ALCAM: variants seen among roughly 807,000 people sequenced by gnomAD.
ALCAM encodes the protein activated leukocyte cell adhesion molecule.
A neutral mutation model predicts 70.9 loss-of-function variants in ALCAM; 30 were observed. That is an observed-to-expected ratio of 0.42 (90% CI 0.32 to 0.57). The LOEUF is 0.57. ALCAM is among the 20% of genes least tolerant of loss of function. The pLI is 0.11. For synonymous variants in ALCAM, 249 were observed against 242.5 expected, an observed-to-expected ratio of 1.03 and a Z score of -0.25; for missense variants, 591 against 695.1, an observed-to-expected ratio of 0.85 and a Z score of 1.68.
intron 3 of ALCAM, among the ~76,000 whole-genome samples, chr3:105,529,510 ATAGT>A (rs111685593): frequency 2.0e-5 from 3 of 152,190 alleles, no homozygotes; most frequent in African/African-American, 7.2e-5. Flanking sequence ...TTCAAGATAC[ATAGT>A]TAATATAGAG....
chr3:105,528,471 G>A (rs1375271188), intron 3 of ALCAM, among the ~76,000 whole-genome samples: 1 of 152,056 alleles, frequency 6.6e-6, no homozygotes, highest in Non-Finnish European at 1.5e-5. Context: ...AAAAGTAGAG[G>A]GAAAAGTAAG....
intron 1 of ALCAM, among the ~76,000 whole-genome samples, chr3:105,422,866 A>G (rs1175711741): frequency 6.6e-6 from 1 of 151,546 alleles, no homozygotes; most frequent in Non-Finnish European, 1.5e-5. Context: ...GGGGAATGAC[A>G]TAGTTGAACA....
At chr3:105,547,564 A>G (rs752728031) in intron 11 of ALCAM, 41 bp downstream of exon 11, 9 of 1,590,534 alleles carry the variant, frequency 5.7e-6, no homozygotes, top group Non-Finnish European at 6.8e-6. Context: ...ACTTCGTCCA[A>G]TGCGTTTTTT....
chr3:105,369,181 T>A (rs562998991), intron 1 of ALCAM, among the ~76,000 whole-genome samples: 1 of 152,284 alleles, frequency 6.6e-6, no homozygotes, highest in South Asian at 2.1e-4. Context: ...GAATGTAATC[T>A]CACCCTCGTC....
intron 15 of ALCAM, among the ~76,000 whole-genome samples, chr3:105,572,840 CATT>C (rs1287161154): frequency 6.6e-6 from 1 of 152,150 alleles, no homozygotes; most frequent in African/African-American, 2.4e-5. Context: ...TCAAAATAAT[CATT>C]ATCTTCTGAA....
intron 1 of ALCAM, among the ~76,000 whole-genome samples, chr3:105,411,841 C>T (rs1266318314): frequency 2.6e-5 from 4 of 151,980 alleles, no homozygotes; most frequent in Non-Finnish European, 5.9e-5. Flanking sequence ...CTACAGTCCT[C>T]TGTGTTTAGG....
At chr3:105,401,624 A>T (rs1936091072) in intron 1 of ALCAM, among the ~76,000 whole-genome samples, 1 of 152,218 alleles carries the variant, frequency 6.6e-6, no homozygotes, top group Non-Finnish European at 1.5e-5. Context: ...AACTTGTAGT[A>T]TGTCTAAAAT....
At chr3:105,439,827 T>A (rs776952585) in intron 1 of ALCAM, among the ~76,000 whole-genome samples, 3 of 152,184 alleles carry the variant, frequency 2.0e-5, no homozygotes, top group Non-Finnish European at 4.4e-5. Flanking sequence ...AAAAGTATAG[T>A]CATTTCTTGG....
intron 1 of ALCAM, among the ~76,000 whole-genome samples, chr3:105,401,065 A>G (rs1386641078): frequency 1.3e-5 from 2 of 152,230 alleles, no homozygotes; most frequent in Non-Finnish European, 2.9e-5. Context: ...CTGGACAATC[A>G]GAATTATACC....
chr3:105,433,222 C>A (rs1406343316), intron 1 of ALCAM, among the ~76,000 whole-genome samples: 2 of 151,990 alleles, frequency 1.3e-5, no homozygotes, highest in African/African-American at 4.8e-5. Flanking sequence ...AATCCTGAAG[C>A]CAAATTTAAT....
chr3:105,456,985 G>GT (rs1355535862), intron 1 of ALCAM, among the ~76,000 whole-genome samples: 1 of 152,164 alleles, frequency 6.6e-6, no homozygotes, highest in East Asian at 1.9e-4. Flanking sequence ...TGACTTAGGA[G>GT]TGATCATCAT....
chr3:105,369,086 G>A (rs541300192), intron 1 of ALCAM, among the ~76,000 whole-genome samples: 1 of 152,268 alleles, frequency 6.6e-6, no homozygotes, highest in South Asian at 2.1e-4. Context: ...GCCAAGAAGG[G>A]AGGACAAGGG....
chr3:105,465,278 A>G (rs1937683809), intron 1 of ALCAM, among the ~76,000 whole-genome samples: 1 of 151,416 alleles, frequency 6.6e-6, no homozygotes, highest in African/African-American at 2.4e-5. Context: ...GCAAACATAA[A>G]TTCGTAGTGG....
intron 1 of ALCAM, among the ~76,000 whole-genome samples, chr3:105,394,617 G>C (rs1395218369): frequency 1.3e-5 from 2 of 151,858 alleles, no homozygotes; most frequent in Admixed American, 1.3e-4. Context: ...GGAAAACACA[G>C]GACATGTAAT....
intron 1 of ALCAM, among the ~76,000 whole-genome samples, chr3:105,422,566 G>A (rs1173816607): frequency 6.6e-6 from 1 of 151,398 alleles, no homozygotes; most frequent in Non-Finnish European, 1.5e-5. Flanking sequence ...GGAGAAAATA[G>A]TGCCTTTCCT....
chr3:105,552,331 C>T, intron 13 of ALCAM, 137 bp from the exon 14 acceptor site: 1 of 1,295,368 alleles, frequency 7.7e-7, no homozygotes, highest in Non-Finnish European at 1.1e-6. Context: ...AAATTTTACC[C>T]TTTAAAAATC....
intron 1 of ALCAM, among the ~76,000 whole-genome samples, chr3:105,474,744 A>G (rs1938051722): frequency 6.6e-6 from 1 of 151,792 alleles, no homozygotes; most frequent in African/African-American, 2.4e-5. Context: ...ATTGACAATG[A>G]ACATACTATA....
At chr3:105,536,093 C>CT (rs71299365) in intron 6 of ALCAM, among the ~76,000 whole-genome samples, 13,173 of 141,830 alleles carry the variant, frequency 0.093, 780 homozygotes, top group East Asian at 0.2. Context: ...TTCTTTCTTT[C>CT]TTTTTTTTTT....
intron 1 of ALCAM, among the ~76,000 whole-genome samples, chr3:105,387,083 T>G (rs897085588): frequency 2.6e-5 from 4 of 151,626 alleles, no homozygotes; most frequent in African/African-American, 4.8e-5. Flanking sequence ...TTGAGATTTT[T>G]TCCACAAGAT....
Sources: gnomAD v4.1 joint callset for allele counts (sites outside exome capture counted in the v4.1 genomes callset) on GRCh38, gnomAD v4.1.1 for gene constraint, MANE v1.5 for transcripts, NCBI Gene and HGNC (gene_info 2026-07-23, HGNC 2026-07-21) for gene names.